Variants in EXOC6B observed in about 807,000 individuals in gnomAD.
The protein encoded by EXOC6B is exocyst complex component 6B.
EXOC6B carries 54 observed loss-of-function variants against 113.5 expected under a neutral mutation model. The observed-to-expected ratio is 0.48, with a 90% confidence interval of 0.38 to 0.60. EXOC6B has a LOEUF of 0.60. Among genes scored for constraint, EXOC6B ranks in the 20% least tolerant of loss-of-function variants. The pLI is 0.00. For missense variants in EXOC6B, 797 were observed against 977.5 expected, an observed-to-expected ratio of 0.82 and a Z score of 2.46; for synonymous variants, 357 against 339.0, an observed-to-expected ratio of 1.05 and a Z score of -0.58.
chr2:72,278,013 G>A (rs149789944), intron 20 of EXOC6B, among the ~76,000 whole-genome samples: 15 of 152,142 alleles, frequency 9.9e-5, no homozygotes, highest in African/African-American at 3.4e-4. Context: ...TCTTGAAGGC[G>A]GGAGCTTTGG....
intron 1 of EXOC6B, among the ~76,000 whole-genome samples, chr2:72,815,089 A>G (rs1686148779): frequency 6.6e-6 from 1 of 152,250 alleles, no homozygotes; most frequent in African/African-American, 2.4e-5. Flanking sequence ...CTTAAAAACA[A>G]TGGTTTATTT....
intron 8 of EXOC6B, among the ~76,000 whole-genome samples, chr2:72,522,685 A>G (rs1558759883): frequency 1.3e-5 from 2 of 152,184 alleles, no homozygotes; most frequent in Admixed American, 6.5e-5. Flanking sequence ...TTTCTAGATC[A>G]TACTTTCTTT....
At chr2:72,733,195 G>A (rs932149901) in intron 2 of EXOC6B, 77 bp from the exon 3 acceptor site, 7 of 1,073,840 alleles carry the variant, frequency 6.5e-6, no homozygotes, top group Non-Finnish European at 8.4e-6. Flanking sequence ...AATTTAATAT[G>A]AAAAGATTAG....
intron 20 of EXOC6B, among the ~76,000 whole-genome samples, chr2:72,264,548 G>A (rs1174125715): frequency 6.6e-6 from 1 of 152,110 alleles, no homozygotes; most frequent in Non-Finnish European, 1.5e-5. Context: ...TCCAGCCTAG[G>A]TGACGAGCGA....
At chr2:72,245,664 G>C (rs1035274693) in intron 20 of EXOC6B, among the ~76,000 whole-genome samples, 9 of 152,186 alleles carry the variant, frequency 5.9e-5, no homozygotes, top group Admixed American at 3.9e-4. Context: ...AGGGAGAGAA[G>C]AAGAGGCAGA....
At chr2:72,264,340 G>A (rs1325014689) in intron 20 of EXOC6B, among the ~76,000 whole-genome samples, 2 of 152,140 alleles carry the variant, frequency 1.3e-5, no homozygotes, top group African/African-American at 2.4e-5. Context: ...GGAGACCGAG[G>A]CGGGCAGATC....
intron 20 of EXOC6B, among the ~76,000 whole-genome samples, chr2:72,317,854 T>C (rs1477803033): frequency 6.6e-6 from 1 of 152,160 alleles, no homozygotes; most frequent in Non-Finnish European, 1.5e-5. Context: ...GAGAGGGCCA[T>C]AATATTGCTA....
Position 72,481,647 on chromosome 2 carries a change from T to A in EXOC6B, c.1666-897A>T, listed in dbSNP as rs960182705. 2.1e-4 allele frequency among the ~76,000 whole-genome samples: 32 copies of A among 152,336 alleles called. 1 individual carries two copies. The highest frequency in any genetic ancestry group is 6.7e-4 in the African/African-American group (28 of 41,586). ...CCAGGGAATTAATGACTTACTTTAT[T>A]ATTATTACTTACTGATCTTGTGAAA... is the stretch of plus-strand genomic sequence containing the variant. On this transcript the variant is annotated intron_variant, in intron 16 of 21. Coordinates refer to ENST00000272427, the MANE Select transcript of EXOC6B (RefSeq NM_015189.3).
chr2:72,259,041 T>C (rs903021751), intron 20 of EXOC6B, among the ~76,000 whole-genome samples: 1 of 152,188 alleles, frequency 6.6e-6, no homozygotes, highest in Non-Finnish European at 1.5e-5. Flanking sequence ...AGTTCTACTT[T>C]TTATTTTGAA....
At chr2:72,333,183 T>C (rs983818452) in intron 20 of EXOC6B, among the ~76,000 whole-genome samples, 2 of 152,070 alleles carry the variant, frequency 1.3e-5, no homozygotes, top group Non-Finnish European at 2.9e-5. Flanking sequence ...AGAAATGTAA[T>C]AGAAAATAGG....
At chr2:72,580,171 T>C (rs1573432008) in intron 6 of EXOC6B, among the ~76,000 whole-genome samples, 1 of 123,756 alleles carries the variant, frequency 8.1e-6, no homozygotes. Flanking sequence ...GGAGACAGGG[T>C]CTCACTGTCA....
chr2:72,660,223 A>C (rs1332835289), intron 6 of EXOC6B, among the ~76,000 whole-genome samples: 2 of 152,188 alleles, frequency 1.3e-5, no homozygotes, highest in Non-Finnish European at 2.9e-5. Flanking sequence ...AGCCATTGGT[A>C]ATTTAACAAT....
chr2:72,384,910 T>C (rs1691907756), intron 18 of EXOC6B, among the ~76,000 whole-genome samples: 1 of 152,062 alleles, frequency 6.6e-6, no homozygotes, highest in African/African-American at 2.4e-5. Context: ...TTGAAGGAAT[T>C]AATATTGTTA....
At chr2:72,296,982 T>A (rs1686178530) in intron 20 of EXOC6B, among the ~76,000 whole-genome samples, 1 of 152,148 alleles carries the variant, frequency 6.6e-6, no homozygotes, top group African/African-American at 2.4e-5. Context: ...TTTGCTATAT[T>A]TTGAAAAAGT....
intron 6 of EXOC6B, among the ~76,000 whole-genome samples, chr2:72,620,471 G>A (rs571390137): frequency 6.8e-6 from 1 of 146,870 alleles, no homozygotes; most frequent in Non-Finnish European, 1.5e-5. Flanking sequence ...ATTTAAATAA[G>A]AAATTTAAAT....
intron 19 of EXOC6B, among the ~76,000 whole-genome samples, chr2:72,366,801 A>G (rs1338184534): frequency 6.6e-6 from 1 of 152,002 alleles, no homozygotes; most frequent in Non-Finnish European, 1.5e-5. Flanking sequence ...AAAGAAAAAA[A>G]AAACCCTATT....
chr2:72,438,463 G>A (rs377563271), intron 18 of EXOC6B, among the ~76,000 whole-genome samples: 1 of 152,106 alleles, frequency 6.6e-6, no homozygotes, highest in South Asian at 2.1e-4. Flanking sequence ...TTAAAAATTA[G>A]TTAACTGTCG....
At chr2:72,766,893 G>T (rs1343459865) in intron 1 of EXOC6B, among the ~76,000 whole-genome samples, 1 of 148,198 alleles carries the variant, frequency 6.7e-6, no homozygotes, top group Non-Finnish European at 1.5e-5. Context: ...GGCAGAGGTT[G>T]CAATGAGCCG....
Position 72,334,035 on chromosome 2 carries a change from T to C in EXOC6B, c.2196+912A>G, listed in dbSNP as rs1688553269. Among the ~76,000 whole-genome samples the C allele has an allele frequency of 2.6e-5, 4 of 151,798 alleles. No homozygotes were observed. In the South Asian group the frequency reaches 6.3e-4, roughly 24 times the overall value. Reference sequence around the variant, plus strand: ...GAAAACAAGAGGCACTGCATCATTATGGCAGGAGAAACAAAGCCAGCCCCC... The same window carrying C: ...GAAAACAAGAGGCACTGCATCATTACGGCAGGAGAAACAAAGCCAGCCCCC... On this transcript the variant is annotated intron_variant, in intron 20 of 21. Transcript: ENST00000272427.
Sources: gnomAD v4.1 joint callset for allele counts (sites outside exome capture counted in the v4.1 genomes callset) on GRCh38, gnomAD v4.1.1 for gene constraint, MANE v1.5 for transcripts, NCBI Gene and HGNC (gene_info 2026-07-23, HGNC 2026-07-21) for gene names.